The following CCDC3 variants were observed in gnomAD, a reference collection of about 807,000 sequenced individuals.
The protein encoded by CCDC3 is coiled-coil domain-containing protein 3.
A neutral mutation model predicts 21.4 loss-of-function variants in CCDC3; 24 were observed. The observed-to-expected ratio is 1.12, with a 90% CI of 0.81 to 1.58. The LOEUF (loss-of-function observed/expected upper bound fraction) is 1.58, where lower values mean the gene tolerates loss of function less well. CCDC3 is among the 40% of genes most tolerant of loss of function. CCDC3 has a pLI of 0.00. For synonymous variants in CCDC3, 186 were observed against 166.0 expected (o/e 1.12, Z -0.93); for missense variants, 425 against 360.9 (o/e 1.18, Z -1.44).
chr10:13,000,219 G>C (rs1835825688), intron 1 of CCDC3, among the ~76,000 whole-genome samples: 1 of 152,196 alleles, frequency 6.6e-6, no homozygotes. Context: ...TATCTTGATA[G>C]ATAGGTTAGA....
At position 13,001,198 on chromosome 10, in the gene CCDC3, TGAGGAA is replaced by T; in HGVS notation, c.367_372del (p.Phe123_Leu124del). 6.4e-7 allele frequency: 1 copy of T among 1,551,264 alleles called. No homozygotes were observed. The highest frequency in any genetic ancestry group is 8.7e-7 in the Non-Finnish European group (1 of 1,147,760). The stretch of plus-strand genomic sequence containing the variant: ...TGGCGGCGGCGCCGCCGGGCTCACC[TGAGGAA>T]GAAGAAATAGGAGTAGTCCTGGACC... On this transcript the variant is annotated inframe_deletion and splice_region_variant, in exon 1 of 3. Transcript: ENST00000378825.
At chr10:13,093,048 A>C (rs1414681989) in intron 3 of CCDC3, among the ~76,000 whole-genome samples, 3 of 138,290 alleles carry the variant, frequency 2.2e-5, no homozygotes, top group African/African-American at 8.1e-5. Context: ...TTTTTTTTTC[A>C]AAAACAAAGG....
intron 2 of CCDC3, among the ~76,000 whole-genome samples, chr10:12,961,218 T>C (rs1835174563): frequency 6.6e-6 from 1 of 152,214 alleles, no homozygotes; most frequent in South Asian, 2.1e-4. Context: ...CCACCAAGTC[T>C]GTCTCCTCAT....
intron 3 of CCDC3, among the ~76,000 whole-genome samples, chr10:13,084,130 C>A (rs1837074853): frequency 6.6e-6 from 1 of 152,156 alleles, no homozygotes; most frequent in Admixed American, 6.5e-5. Flanking sequence ...TCCTTTATCA[C>A]AAACCCTTGT....
At chr10:12,971,250 T>G (rs1182833783) in intron 2 of CCDC3, among the ~76,000 whole-genome samples, 1 of 152,060 alleles carries the variant, frequency 6.6e-6, no homozygotes, top group Non-Finnish European at 1.5e-5. Flanking sequence ...GCTGAACCAA[T>G]GCCTGGGGCA....
intron 3 of CCDC3, among the ~76,000 whole-genome samples, chr10:13,086,406 T>A (rs1368557303): frequency 6.6e-6 from 1 of 152,210 alleles, no homozygotes; most frequent in Non-Finnish European, 1.5e-5. Context: ...AAGGCAATTG[T>A]TTGGAATATT....
chr10:13,035,953 G>A (rs529107576), intron 5 of CCDC3, among the ~76,000 whole-genome samples: 24 of 152,018 alleles, frequency 1.6e-4, no homozygotes, highest in Non-Finnish European at 3.2e-4. Flanking sequence ...AGAGCATCCC[G>A]GCTAACATGG....
intron 3 of CCDC3, among the ~76,000 whole-genome samples, chr10:13,090,066 T>TC (rs1308353159): frequency 1.9e-4 from 23 of 118,810 alleles, no homozygotes; most frequent in Non-Finnish European, 2.8e-4. Context: ...TATATATATA[T>TC]ATATATATAT....
intron 5 of CCDC3, among the ~76,000 whole-genome samples, chr10:13,033,244 G>T (rs1836329472): frequency 6.6e-6 from 1 of 152,142 alleles, no homozygotes; most frequent in Non-Finnish European, 1.5e-5. Context: ...ATGGGGAAAG[G>T]ATTCCCTATT....
intron 3 of CCDC3, among the ~76,000 whole-genome samples, chr10:13,083,983 C>G (rs1298434935): frequency 6.6e-6 from 1 of 152,162 alleles, no homozygotes; most frequent in South Asian, 2.1e-4. Context: ...TACCAAGGAA[C>G]AAGCATTCTG....
intron 2 of CCDC3, among the ~76,000 whole-genome samples, chr10:12,946,113 G>A (rs1834913413): frequency 6.6e-6 from 1 of 152,154 alleles, no homozygotes; most frequent in Non-Finnish European, 1.5e-5. Flanking sequence ...CACCCATTCT[G>A]CCCCAAATGG....
chr10:12,970,816 G>A (rs1356645307), intron 2 of CCDC3, among the ~76,000 whole-genome samples: 1 of 152,048 alleles, frequency 6.6e-6, no homozygotes. Context: ...CTTGAACCTG[G>A]GAGGTGGAGG....
At chr10:12,974,328 C>T (rs768982440) in intron 2 of CCDC3, among the ~76,000 whole-genome samples, 12 of 152,198 alleles carry the variant, frequency 7.9e-5, no homozygotes, top group Non-Finnish European at 1.5e-4. Context: ...AGCATAGGCA[C>T]GGGGCAGCCT....
intron 2 of CCDC3, among the ~76,000 whole-genome samples, chr10:12,939,818 T>G (rs1162223693): frequency 6.6e-6 from 1 of 152,156 alleles, no homozygotes; most frequent in African/African-American, 2.4e-5. Context: ...AGAGTCAGAG[T>G]AACAACAACA....
At chr10:12,976,415 T>C (rs1195343978) in intron 2 of CCDC3, among the ~76,000 whole-genome samples, 1 of 151,970 alleles carries the variant, frequency 6.6e-6, no homozygotes, top group Non-Finnish European at 1.5e-5. Flanking sequence ...TCTGGTACAA[T>C]GGAGAAAGGT....
chr10:13,031,758 C>T (rs1357510220), intron 5 of CCDC3, among the ~76,000 whole-genome samples: 1 of 152,100 alleles, frequency 6.6e-6, no homozygotes, highest in African/African-American at 2.4e-5. Context: ...AGATAAATTC[C>T]TGGACACATA....
At chr10:13,018,527 A>T (rs1287144771) in intron 5 of CCDC3, among the ~76,000 whole-genome samples, 1 of 152,184 alleles carries the variant, frequency 6.6e-6, no homozygotes, top group Admixed American at 6.5e-5. Context: ...TGCAAGCTGC[A>T]CAGGGGACTT....
At chr10:12,970,286 T>C (rs766815133) in intron 2 of CCDC3, among the ~76,000 whole-genome samples, 11 of 152,322 alleles carry the variant, frequency 7.2e-5, no homozygotes, top group South Asian at 2.1e-4. Context: ...AACACTATTA[T>C]GGTGGTTCAA....
At chr10:13,031,297 C>T (rs7094677) in intron 5 of CCDC3, among the ~76,000 whole-genome samples, 51,851 of 151,890 alleles carry the variant, frequency 0.34, 9,209 homozygotes, top group East Asian at 0.63. Context: ...TTGAAACCAA[C>T]GAGAACATAG....
Sources: allele counts gnomAD v4.1 joint callset (sites outside exome capture counted in the v4.1 genomes callset), GRCh38; gene constraint gnomAD v4.1.1; transcripts MANE v1.5; gene names NCBI Gene and HGNC (gene_info 2026-07-23, HGNC 2026-07-21).